The following PRKN variants were observed in gnomAD, a reference collection of about 807,000 sequenced individuals.
The protein encoded by PRKN is parkin RBR E3 ubiquitin protein ligase.
A neutral mutation model predicts 59.5 loss-of-function variants in PRKN; 56 were observed. The ratio of observed to expected loss-of-function variants is 0.94; its 90% CI spans 0.76 to 1.18. The LOEUF (loss-of-function observed/expected upper bound fraction) is 1.18. PRKN is among the 50% of genes most tolerant of loss of function. The pLI is 0.00. For synonymous variants in PRKN, 250 were observed against 222.1 expected, an observed-to-expected ratio of 1.13 and a Z score of -1.12; for missense variants, 657 against 596.4, an observed-to-expected ratio of 1.10 and a Z score of -1.06.
chr6:162,540,814 A>AAG (rs1778900263), intron 1 of PRKN, among the ~76,000 whole-genome samples: 1 of 151,774 alleles, frequency 6.6e-6, no homozygotes, highest in Admixed American at 6.6e-5. Flanking sequence ...GCTCAAAAAA[A>AAG]AAAAAAAAAA....
intron 1 of PRKN, among the ~76,000 whole-genome samples, chr6:162,711,785 G>A (rs1337716718): frequency 6.6e-6 from 1 of 152,094 alleles, no homozygotes; most frequent in Non-Finnish European, 1.5e-5. Context: ...CATTAGGCAT[G>A]AGGGTTGCTT....
rs753708619 is a variant in PRKN, at chr6:161,545,470, T to G, written c.1083+3384A>C. ...AGCAAAGAGTAAAAAGAGATTCACC[T>G]TCTTCTAACTTTTATGTATTTGGCC... On this transcript the variant is annotated intron_variant, in intron 9 of 11. Coordinates refer to ENST00000366898, the MANE Select transcript of PRKN (RefSeq NM_004562.3). The surrounding 1 kb of genome is among the most constrained non-coding windows in gnomAD (Gnocchi z 4.1). 18 of 1,458,888 alleles carry G rather than the reference T, an allele frequency of 1.2e-5. No homozygotes were observed. The highest frequency in any genetic ancestry group is 1.9e-6 in the Non-Finnish European group (2 of 1,040,418). The allele number at this position is 1,458,888 out of a possible 1,614,324, so 90.4% of individuals were successfully genotyped here.
intron 6 of PRKN, among the ~76,000 whole-genome samples, chr6:161,850,584 A>AAAAAC (rs1209808306): frequency 6.6e-6 from 1 of 151,832 alleles, no homozygotes; most frequent in East Asian, 1.9e-4. Flanking sequence ...CAAAAAAAAA[A>AAAAAC]AAAAAAAAAA....
At position 161,542,983 on chromosome 6, in the gene PRKN, GA is replaced by G. The variant is rs755902584; in HGVS notation, c.1083+5870del. ...TACAAAAATAAATTAAAATTGGCTT[GA>G]ATAAGAAAAGTAACCATTTTCTTTT... On this transcript the variant is annotated intron_variant, in intron 9 of 11. Coordinates refer to ENST00000366898, the MANE Select transcript of PRKN (RefSeq NM_004562.3). 3.9e-5 allele frequency among the ~76,000 whole-genome samples: 6 copies of G among 152,100 alleles called. No homozygotes were observed. The East Asian group carries it at 7.7e-4, about 20-fold the overall frequency.
chr6:161,972,144 C>T (rs1426800994), intron 6 of PRKN, among the ~76,000 whole-genome samples: 2 of 151,906 alleles, frequency 1.3e-5, no homozygotes, highest in African/African-American at 2.4e-5. Flanking sequence ...TGTGGTGGCG[C>T]ATGCCTGTAA....
chr6:161,897,485 G>C (rs1242067950), intron 6 of PRKN, among the ~76,000 whole-genome samples: 3 of 152,160 alleles, frequency 2.0e-5, no homozygotes, highest in Non-Finnish European at 4.4e-5. Flanking sequence ...AGAGAAGAAT[G>C]CTTCATTGGG....
intron 1 of PRKN, among the ~76,000 whole-genome samples, chr6:162,662,557 C>G (rs557126220): frequency 6.6e-5 from 10 of 152,114 alleles, no homozygotes; most frequent in Admixed American, 4.6e-4. Context: ...AGTTTCAGGT[C>G]TTACATTTAA....
intron 6 of PRKN, among the ~76,000 whole-genome samples, chr6:161,902,805 C>T (rs1777984796): frequency 6.6e-6 from 1 of 152,096 alleles, no homozygotes; most frequent in African/African-American, 2.4e-5. Context: ...GATCTGCCCA[C>T]CTCGGCCTCC....
At chr6:162,258,919 C>T (rs764865237) in intron 3 of PRKN, among the ~76,000 whole-genome samples, 2 of 152,160 alleles carry the variant, frequency 1.3e-5, no homozygotes, top group Non-Finnish European at 2.9e-5. Context: ...CTTTTGCCAA[C>T]TAAAAATACT....
chr6:161,719,479 G>A (rs1787130019), intron 7 of PRKN, among the ~76,000 whole-genome samples: 1 of 152,094 alleles, frequency 6.6e-6, no homozygotes, highest in Non-Finnish European at 1.5e-5. Context: ...AAGCTTTCTT[G>A]TCTGCAACAC....
chr6:162,490,099 C>T (rs1257619614), intron 1 of PRKN, among the ~76,000 whole-genome samples: 1 of 152,066 alleles, frequency 6.6e-6, no homozygotes, highest in Non-Finnish European at 1.5e-5. Context: ...CTGCAGAGTC[C>T]TTGGAAGCGA....
chr6:162,301,887 C>CA (rs1781976486), intron 2 of PRKN, among the ~76,000 whole-genome samples: 1 of 151,650 alleles, frequency 6.6e-6, no homozygotes, highest in Non-Finnish European at 1.5e-5. Context: ...CTTCAGGTCT[C>CA]AGGTCTTATT....
At chr6:162,085,614 A>C (rs1442685025) in intron 4 of PRKN, among the ~76,000 whole-genome samples, 2 of 152,106 alleles carry the variant, frequency 1.3e-5, no homozygotes, top group African/African-American at 4.8e-5. Context: ...TTTTGTTTCC[A>C]ACTTGGTATG....
At chr6:161,795,796 C>T (rs1790822694) in intron 6 of PRKN, among the ~76,000 whole-genome samples, 1 of 151,370 alleles carries the variant, frequency 6.6e-6, no homozygotes, top group African/African-American at 2.4e-5. Context: ...AAACTAAGGC[C>T]GAAAAAGCAA....
intron 1 of PRKN, among the ~76,000 whole-genome samples, chr6:162,654,866 A>G (rs1482085214): frequency 1.3e-5 from 2 of 152,150 alleles, no homozygotes; most frequent in Non-Finnish European, 2.9e-5. Context: ...ATCCCCCTAT[A>G]AAACCATAAG....
At chr6:162,083,533 T>C (rs1487717382) in intron 4 of PRKN, among the ~76,000 whole-genome samples, 2 of 152,114 alleles carry the variant, frequency 1.3e-5, no homozygotes, top group African/African-American at 4.8e-5. Context: ...ATCTGTATTA[T>C]TAGAGTAGCA....
At chr6:162,622,505 G>A (rs1388334787) in intron 1 of PRKN, among the ~76,000 whole-genome samples, 1 of 151,842 alleles carries the variant, frequency 6.6e-6, no homozygotes, top group Non-Finnish European at 1.5e-5. Flanking sequence ...TTCTGCTGAG[G>A]GTATTAATTA....
chr6:162,175,633 G>T (rs1055469206), intron 4 of PRKN, among the ~76,000 whole-genome samples: 11 of 152,182 alleles, frequency 7.2e-5, no homozygotes, highest in Non-Finnish European at 1.5e-4. Context: ...ATGACCTACA[G>T]AGCTGCAGAG....
At chr6:161,971,592 GAAGCGCTATATTTTA>G (rs1202323522) in intron 6 of PRKN, among the ~76,000 whole-genome samples, 1 of 152,200 alleles carries the variant, frequency 6.6e-6, no homozygotes, top group Non-Finnish European at 1.5e-5. Context: ...AAGAGAGGCT[GAAGCGCTATATTTTA>G]AAGGCAATGT....
Sources: allele counts gnomAD v4.1 joint callset (sites outside exome capture counted in the v4.1 genomes callset), GRCh38; gene constraint gnomAD v4.1.1; non-coding constraint Gnocchi (gnomAD v3.1); transcripts MANE v1.5; gene names NCBI Gene and HGNC (gene_info 2026-07-23, HGNC 2026-07-21).